Variants in DYDC1 observed in about 807,000 individuals in gnomAD.
DYDC1 encodes the protein DPY30 domain containing 1.
A neutral mutation model predicts 27.9 loss-of-function variants in DYDC1; 21 were observed. The ratio of observed to expected loss-of-function variants is 0.75; its 90% confidence interval spans 0.53 to 1.08. The LOEUF (loss-of-function observed/expected upper bound fraction) is 1.08, where lower values mean the gene tolerates loss of function less well. DYDC1 is among the 50% of genes least tolerant of loss of function. The probability of loss-of-function intolerance (pLI) is 0.00; values close to 1 mark genes in which losing one functional copy is unlikely to be tolerated. For synonymous variants in DYDC1, 67 were observed against 65.8 expected, an observed-to-expected ratio of 1.02 and a Z score of -0.09; for missense variants, 202 against 205.9, an observed-to-expected ratio of 0.98 and a Z score of 0.12.
chr10:80,341,196 A>G (rs948833602), intron 4 of DYDC1, among the ~76,000 whole-genome samples: 3 of 152,024 alleles, frequency 2.0e-5, no homozygotes, highest in African/African-American at 7.2e-5. Context: ...TAGCTTTTGG[A>G]TGCAGGAAAT....
chr10:80,353,394 C>T (rs1843123155), intron 1 of DYDC1, among the ~76,000 whole-genome samples: 1 of 150,670 alleles, frequency 6.6e-6, no homozygotes, highest in African/African-American at 2.4e-5. Context: ...GATCTCCTGA[C>T]CTCGTGATCC....
chr10:80,346,614 C>T (rs1238712698), intron 3 of DYDC1, among the ~76,000 whole-genome samples: 1 of 151,700 alleles, frequency 6.6e-6, no homozygotes, highest in African/African-American at 2.4e-5. Flanking sequence ...GCGCCCGCCA[C>T]CACGCCCGGC....
chr10:80,336,845 C>A (rs550404365), intron 6 of DYDC1, among the ~76,000 whole-genome samples: 1 of 152,340 alleles, frequency 6.6e-6, no homozygotes, highest in South Asian at 2.1e-4. Context: ...TGCTGTCTAA[C>A]CCTAGTCATC....
intron 3 of DYDC1, among the ~76,000 whole-genome samples, chr10:80,348,670 T>G (rs1418281079): frequency 1.3e-5 from 2 of 152,252 alleles, no homozygotes; most frequent in African/African-American, 4.8e-5. Context: ...ATTAAGAAGC[T>G]TCCATCAACC....
intron 3 of DYDC1, among the ~76,000 whole-genome samples, chr10:80,343,863 G>T (rs1027282194): frequency 6.6e-6 from 1 of 152,008 alleles, no homozygotes; most frequent in Non-Finnish European, 1.5e-5. Flanking sequence ...GCTGGGCATG[G>T]TGGCTCACAC....
chr10:80,344,501 GA>G (rs758314513), intron 3 of DYDC1, among the ~76,000 whole-genome samples: 1 of 152,152 alleles, frequency 6.6e-6, no homozygotes, highest in Admixed American at 6.5e-5. Context: ...TGCTGAGTTT[GA>G]AGTGACTGAA....
intron 4 of DYDC1, 143 bp from the exon 5 acceptor site, chr10:80,339,296 T>C (rs1298278741): frequency 8.1e-6 from 3 of 371,780 alleles, no homozygotes; most frequent in Non-Finnish European, 1.4e-5. Context: ...ATGATCTGAT[T>C]ACACATTACA....
intron 3 of DYDC1, among the ~76,000 whole-genome samples, chr10:80,345,067 T>A (rs995239181): frequency 5.1e-4 from 77 of 152,270 alleles, no homozygotes; most frequent in South Asian, 6.2e-4. Flanking sequence ...GAAAATAGTG[T>A]TTAAAGCCGG....
intron 3 of DYDC1, among the ~76,000 whole-genome samples, chr10:80,347,874 G>T (rs1842764243): frequency 6.6e-6 from 1 of 152,132 alleles, no homozygotes; most frequent in South Asian, 2.1e-4. Flanking sequence ...TATAATTCTG[G>T]ATCAAGTAAT....
chr10:80,351,750 C>G, intron 3 of DYDC1, 151 bp downstream of exon 3: 1 of 682,186 alleles, frequency 1.5e-6, no homozygotes, highest in Middle Eastern at 3.0e-4. Context: ...GCTTCTCCAG[C>G]AAAGAAGACA....
intron 3 of DYDC1, among the ~76,000 whole-genome samples, chr10:80,350,830 G>C (rs1164636640): frequency 6.6e-6 from 1 of 152,076 alleles, no homozygotes; most frequent in African/African-American, 2.4e-5. Flanking sequence ...AGCCATTCTG[G>C]AACTTTCCTC....
intron 4 of DYDC1, among the ~76,000 whole-genome samples, chr10:80,339,555 C>T (rs1333397100): frequency 1.1e-4 from 17 of 152,124 alleles, no homozygotes; most frequent in Admixed American, 9.8e-4. Flanking sequence ...AACACTTCTA[C>T]AGGAACTAAT....
intron 1 of DYDC1, among the ~76,000 whole-genome samples, chr10:80,356,016 C>G (rs1394886775): frequency 1.4e-5 from 2 of 147,802 alleles, no homozygotes; most frequent in Non-Finnish European, 3.0e-5. Context: ...GGTGCACAGA[C>G]TCCTGTTGCT....
Position 80,339,095 on chromosome 10 carries a change from AC to A in DYDC1, c.399+1del. On this transcript the variant is annotated splice_donor_variant, in intron 5 of 6. Transcript: ENST00000372202. LOFTEE classifies it high-confidence loss of function. ...TAACATAGAATGACTTTTTCTTCTC[AC>A]CTCTGAATGTAGAATATCTTCATTC... 2 of 1,383,670 alleles carry A rather than the reference AC, an allele frequency of 1.4e-6. No homozygotes were observed. The highest frequency in any genetic ancestry group is 2.9e-5 in the South Asian group (2 of 69,590). The allele number at this position is 1,383,670 out of a possible 1,614,324, so 85.7% of individuals were successfully genotyped here.
At chr10:80,356,359 C>T (rs1285757572) in intron 1 of DYDC1, 1 of 985,886 alleles carries the variant, frequency 1.0e-6, no homozygotes, top group Non-Finnish European at 1.2e-6. Context: ...TTACCCACAC[C>T]TGGGAGACAG....
chr10:80,352,845 C>T (rs1408850493), intron 1 of DYDC1: 2 of 372,360 alleles, frequency 5.4e-6, no homozygotes, highest in African/African-American at 4.2e-5. Context: ...ACTCTCAAGT[C>T]CAAGAGTCAG....
intron 3 of DYDC1, among the ~76,000 whole-genome samples, chr10:80,347,136 T>C (rs192827885): frequency 3.5e-4 from 53 of 151,878 alleles, no homozygotes; most frequent in Admixed American, 7.9e-4. Flanking sequence ...TATCTCATAG[T>C]GGTTTTGATT....
chr10:80,356,237 T>C (rs1029885510), intron 1 of DYDC1: 10 of 984,888 alleles, frequency 1.0e-5, no homozygotes, highest in Non-Finnish European at 1.2e-5. Context: ...GTAAGCAATG[T>C]TATTTTTCAC....
intron 1 of DYDC1, among the ~76,000 whole-genome samples, chr10:80,353,757 T>A (rs557060379): frequency 1.3e-5 from 2 of 152,094 alleles, no homozygotes; most frequent in South Asian, 4.2e-4. Context: ...GGGATGATGA[T>A]ACCCATTTTT....
Sources: allele counts gnomAD v4.1 joint callset (sites outside exome capture counted in the v4.1 genomes callset), GRCh38; gene constraint gnomAD v4.1.1; transcripts MANE v1.5; gene names NCBI Gene and HGNC (gene_info 2026-07-23, HGNC 2026-07-21).